NWD1: variants seen among roughly 807,000 people sequenced by gnomAD.
NWD1 encodes NACHT domain- and WD repeat-containing protein 1.
A neutral mutation model predicts 135.1 loss-of-function variants in NWD1; 129 were observed. The observed-to-expected ratio is 0.96, with a 90% CI of 0.83 to 1.11. The LOEUF (loss-of-function observed/expected upper bound fraction) is 1.11, where lower values mean the gene tolerates loss of function less well. Among genes scored for constraint, NWD1 ranks in the 50% least tolerant of loss-of-function variants. The pLI is 0.00. For missense variants in NWD1, 1,740 were observed against 1,851.3 expected (o/e 0.94, Z 1.10); for synonymous variants, 773 against 786.0 (o/e 0.98, Z 0.28).
At chr19:16,776,683 C>T (rs1270516001) in intron 11 of NWD1, among the ~76,000 whole-genome samples, 1 of 148,552 alleles carries the variant, frequency 6.7e-6, no homozygotes, top group African/African-American at 2.5e-5. Context: ...AATCCCAGCT[C>T]TTTGGGAGGC....
At chr19:16,762,342 G>A (rs1177960640) in intron 8 of NWD1, among the ~76,000 whole-genome samples, 2 of 134,284 alleles carry the variant, frequency 1.5e-5, no homozygotes, top group Non-Finnish European at 3.1e-5. Flanking sequence ...TGTCGCCCAG[G>A]CTGGAGTGCA....
chr19:16,739,528 C>A (rs577771738), intron 4 of NWD1, among the ~76,000 whole-genome samples: 56 of 152,078 alleles, frequency 3.7e-4, no homozygotes, highest in South Asian at 1.0e-3. Flanking sequence ...GGCCCTGGGA[C>A]CTTCCAGAAA....
Position 16,750,211 on chromosome 19 carries a change from C to A in NWD1, c.1569C>A (p.Leu523=). ...TGAGCCCGGTGCACACAGATTTGCTCTGGGCCAGCCTCCCAGAGTGTGGGA... is the reference window on the plus strand; with the variant it reads ...TGAGCCCGGTGCACACAGATTTGCTATGGGCCAGCCTCCCAGAGTGTGGGA... ...RTLSPVHTDL[L]WASLPECGNP... is the part of the protein sequence containing the mutation. Residue 523 remains leucine (L), a synonymous_variant, in exon 6 of 19, where the codon CTC becomes CTA. Transcript: ENST00000524140. 3.1e-6 allele frequency: 5 copies of A among 1,613,264 alleles called. No individual in the cohort carries two copies. Among genetic ancestry groups the A allele is most frequent in the Non-Finnish European group, 4.2e-6 (5 of 1,179,686 alleles).
In NWD1 at chr19:16,731,236, G is replaced by A; in HGVS notation, c.39G>A (p.Leu13=). ...RGKPCRALPT[L]KCQTFCQRHG... is the part of the protein sequence containing the mutation. Reference sequence around the variant, plus strand: ...AGCCCTGCAGAGCACTGCCTACCCTGAAGTGCCAGACCTTCTGCCAGAGGC... The same window carrying A: ...AGCCCTGCAGAGCACTGCCTACCCTAAAGTGCCAGACCTTCTGCCAGAGGC... Residue 13 remains leucine (L), a synonymous_variant, in exon 3 of 19, where the codon CTG becomes CTA. Coordinates refer to ENST00000524140, the MANE Select transcript of NWD1 (RefSeq NM_001007525.5). 6.5e-7 allele frequency: 1 copy of A among 1,535,268 alleles called. No individual in the cohort carries two copies. Among genetic ancestry groups the A allele is most frequent in the Non-Finnish European group, 8.7e-7 (1 of 1,146,014 alleles).
chr19:16,765,310 A>C, intron 10 of NWD1, 118 bp downstream of exon 10: 1 of 1,034,900 alleles, frequency 9.7e-7, no homozygotes, highest in Non-Finnish European at 1.4e-6. Flanking sequence ...TCCTGTCTAA[A>C]CATGTGAATT....
intron 14 of NWD1, among the ~76,000 whole-genome samples, chr19:16,793,337 C>T (rs984508511): frequency 4.6e-5 from 7 of 151,920 alleles, no homozygotes; most frequent in Admixed American, 2.0e-4. Context: ...GGGCTCAAGA[C>T]GTCCTCTCGC....
At chr19:16,732,730 G>C (rs1405100204) in intron 3 of NWD1, among the ~76,000 whole-genome samples, 2 of 149,000 alleles carry the variant, frequency 1.3e-5, no homozygotes, top group Non-Finnish European at 3.0e-5. Context: ...GAGCTTCTGG[G>C]CTCAAGGGAT....
chr19:16,790,641 AT>A (rs754579223), intron 13 of NWD1, among the ~76,000 whole-genome samples: 15,012 of 136,246 alleles, frequency 0.11, 954 homozygotes, highest in Non-Finnish European at 0.16. Flanking sequence ...TTAAAAAAAA[AT>A]AAATAAATAA....
chr19:16,745,127 G>T (rs1599452562), intron 5 of NWD1: 3 of 459,116 alleles, frequency 6.5e-6, no homozygotes, highest in East Asian at 6.8e-5. Flanking sequence ...AAGCAAAGAG[G>T]CACATCTTAC....
intron 1 of NWD1, among the ~76,000 whole-genome samples, chr19:16,720,613 T>C (rs1967100368): frequency 6.6e-6 from 1 of 152,146 alleles, no homozygotes; most frequent in Non-Finnish European, 1.5e-5. Context: ...TGGAGTGCAG[T>C]GGCGTGATCT....
At chr19:16,760,136 C>T (rs1968953345) in intron 7 of NWD1, among the ~76,000 whole-genome samples, 2 of 151,912 alleles carry the variant, frequency 1.3e-5, no homozygotes, top group South Asian at 4.1e-4. Flanking sequence ...GTCTGGGTGA[C>T]AGAGTGAGAT....
chr19:16,790,638 A>T (rs8108084), intron 13 of NWD1, among the ~76,000 whole-genome samples: 94 of 56,964 alleles, frequency 1.7e-3, no homozygotes, highest in East Asian at 7.9e-3. Flanking sequence ...ACATTAAAAA[A>T]AAATAAATAA....
intron 14 of NWD1, among the ~76,000 whole-genome samples, chr19:16,792,310 G>C (rs747169719): frequency 4.6e-5 from 7 of 152,094 alleles, no homozygotes; most frequent in South Asian, 2.1e-4. Context: ...GGAGGCTGAG[G>C]GGGGGTGGAT....
At chr19:16,742,983 G>A (rs1968148807) in intron 4 of NWD1, among the ~76,000 whole-genome samples, 1 of 151,114 alleles carries the variant, frequency 6.6e-6, no homozygotes, top group Admixed American at 6.6e-5. Flanking sequence ...TGCCATCTTG[G>A]CTCACTGCAA....
chr19:16,792,876 CAAAAA>C (rs1189102088), intron 14 of NWD1, among the ~76,000 whole-genome samples: 1 of 51,880 alleles, frequency 1.9e-5, no homozygotes. Flanking sequence ...AACTCCATCT[CAAAAA>C]AAAAAAAAAA....
At chr19:16,784,868 G>T (rs1969985288) in intron 12 of NWD1, among the ~76,000 whole-genome samples, 1 of 138,854 alleles carries the variant, frequency 7.2e-6, no homozygotes, top group Non-Finnish European at 1.5e-5. Context: ...GGCGGAGGTT[G>T]CAGTGAGCCG....
intron 4 of NWD1, among the ~76,000 whole-genome samples, chr19:16,738,758 A>AATC (rs1303580154): frequency 2.1e-5 from 3 of 140,516 alleles, no homozygotes; most frequent in Non-Finnish European, 4.6e-5. Context: ...TTATATATAT[A>AATC]TAATATAATG....
chr19:16,770,457 C>T (rs1969376277), intron 10 of NWD1, among the ~76,000 whole-genome samples: 1 of 152,152 alleles, frequency 6.6e-6, no homozygotes, highest in South Asian at 2.1e-4. Flanking sequence ...AAACCTCTTT[C>T]CTTTATAAAT....
At chr19:16,744,152 G>A (rs1968202453) in intron 4 of NWD1, among the ~76,000 whole-genome samples, 1 of 152,104 alleles carries the variant, frequency 6.6e-6, no homozygotes, top group Admixed American at 6.6e-5. Context: ...ACTTTGTGAG[G>A]CTGAGATGAG....
Sources: gnomAD v4.1 joint callset for allele counts (sites outside exome capture counted in the v4.1 genomes callset) on GRCh38, gnomAD v4.1.1 for gene constraint, MANE v1.5 for transcripts, NCBI Gene and HGNC (gene_info 2026-07-23, HGNC 2026-07-21) for gene names.